The following FOXP1 variants were observed in gnomAD, a reference collection of about 807,000 sequenced individuals.
FOXP1 encodes forkhead box protein P1.
Under a neutral mutation model 98.2 loss-of-function variants are expected in FOXP1, and 15 were observed. The ratio of observed to expected loss-of-function variants is 0.15; its 90% confidence interval spans 0.10 to 0.24. The LOEUF is 0.24. FOXP1 is among the 10% of genes least tolerant of loss of function. The probability of loss-of-function intolerance (pLI) is 1.00; values close to 1 mark genes in which losing one functional copy is unlikely to be tolerated. For synonymous variants in FOXP1, 371 were observed against 314.5 expected, an observed-to-expected ratio of 1.18 and a Z score of -1.90; for missense variants, 633 against 848.5, an observed-to-expected ratio of 0.75 and a Z score of 3.15.
chr3:71,531,296 CCTGCCATTTCCACTAGCACAGGCAG>C (rs1266528608), intron 2 of FOXP1, among the ~76,000 whole-genome samples: 10 of 152,166 alleles, frequency 6.6e-5, no homozygotes, highest in African/African-American at 2.4e-4. Flanking sequence ...TCAGAAGGGG[CCTGCCATTTCCACTAGCACAGGCAG>C]CTGCCCGGCA....
chr3:71,152,341 G>A (rs1045303630), intron 6 of FOXP1, among the ~76,000 whole-genome samples: 5 of 152,192 alleles, frequency 3.3e-5, no homozygotes, highest in Non-Finnish European at 7.3e-5. Flanking sequence ...ACAGATTTGT[G>A]AGACTCTGAG....
At chr3:71,526,050 G>A (rs759305362) in intron 2 of FOXP1, among the ~76,000 whole-genome samples, 1 of 152,148 alleles carries the variant, frequency 6.6e-6, no homozygotes, top group East Asian at 1.9e-4. Flanking sequence ...GAATCCAGGA[G>A]ACAGAATTTG....
intron 4 of FOXP1, among the ~76,000 whole-genome samples, chr3:71,338,627 A>G (rs1577040259): frequency 6.6e-6 from 1 of 151,826 alleles, no homozygotes; most frequent in East Asian, 1.9e-4. Context: ...GCGGGGTTTC[A>G]CCCTATTAAG....
intron 3 of FOXP1, among the ~76,000 whole-genome samples, chr3:71,429,122 C>T (rs1375307454): frequency 1.3e-5 from 2 of 152,148 alleles, no homozygotes; most frequent in African/African-American, 2.4e-5. Context: ...ATGGGAGTTC[C>T]GGCTTCATGC....
intron 5 of FOXP1, among the ~76,000 whole-genome samples, chr3:71,286,663 A>G (rs2072177415): frequency 6.6e-6 from 1 of 152,152 alleles, no homozygotes; most frequent in African/African-American, 2.4e-5. Context: ...CAAGTTGGGG[A>G]AGTGGGAAAA....
chr3:71,104,964 T>C (rs2057300382), intron 7 of FOXP1, among the ~76,000 whole-genome samples: 1 of 152,052 alleles, frequency 6.6e-6, no homozygotes, highest in Non-Finnish European at 1.5e-5. Flanking sequence ...GTTGTAATCA[T>C]ATATGTGAGG....
At chr3:70,976,820 C>T (rs1355531458) in intron 17 of FOXP1, 121 bp downstream of exon 17, 2 of 728,802 alleles carry the variant, frequency 2.7e-6, no homozygotes, top group African/African-American at 1.7e-5. Flanking sequence ...AGAGATTGGA[C>T]ACTTTAAGAG....
At chr3:71,094,800 C>T (rs1270529808) in intron 7 of FOXP1, among the ~76,000 whole-genome samples, 1 of 152,284 alleles carries the variant, frequency 6.6e-6, no homozygotes, top group East Asian at 1.9e-4. Context: ...GAGAGCTATC[C>T]TTTATTCACC....
At chr3:71,422,128 G>A (rs538484881) in intron 3 of FOXP1, among the ~76,000 whole-genome samples, 3 of 152,240 alleles carry the variant, frequency 2.0e-5, no homozygotes, top group South Asian at 4.1e-4. Flanking sequence ...TAACTCACCC[G>A]CTAGTTTCAG....
intron 3 of FOXP1, among the ~76,000 whole-genome samples, chr3:71,455,019 C>T (rs2087331276): frequency 6.6e-6 from 1 of 152,218 alleles, no homozygotes; most frequent in South Asian, 2.1e-4. Flanking sequence ...CTTCAAAAAC[C>T]ATGTCATAGC....
At chr3:71,291,217 T>C (rs1387103104) in intron 5 of FOXP1, among the ~76,000 whole-genome samples, 1 of 152,208 alleles carries the variant, frequency 6.6e-6, no homozygotes. Context: ...CACTGTCTAA[T>C]AGAAATACAA....
chr3:71,151,781 A>C (rs1432914279), intron 6 of FOXP1, among the ~76,000 whole-genome samples: 2 of 151,148 alleles, frequency 1.3e-5, no homozygotes. Flanking sequence ...GTAGCCTGCT[A>C]CTCACAAGAC....
intron 14 of FOXP1, 97 bp downstream of exon 14, chr3:70,987,897 A>G: frequency 9.0e-7 from 1 of 1,110,842 alleles, no homozygotes; most frequent in Admixed American, 1.8e-5. Context: ...AGCTCCACCA[A>G]AGTAGGCTGG....
At chr3:71,352,593 AG>A (rs1041611017) in intron 4 of FOXP1, among the ~76,000 whole-genome samples, 54 of 152,032 alleles carry the variant, frequency 3.6e-4, no homozygotes, top group African/African-American at 1.3e-3. Context: ...ACTATTCTTC[AG>A]CTTCCTCACC....
intron 7 of FOXP1, among the ~76,000 whole-genome samples, chr3:71,100,905 T>G (rs2056897585): frequency 6.6e-6 from 1 of 152,128 alleles, no homozygotes; most frequent in African/African-American, 2.4e-5. Flanking sequence ...AGACATGGTA[T>G]GATACATAAC....
At chr3:71,179,395 A>G (rs1371301350) in intron 6 of FOXP1, among the ~76,000 whole-genome samples, 4 of 152,146 alleles carry the variant, frequency 2.6e-5, no homozygotes, top group Non-Finnish European at 4.4e-5. Context: ...GGTGTGAGCC[A>G]CTACACAAGT....
intron 11 of FOXP1, among the ~76,000 whole-genome samples, chr3:71,017,633 C>G: frequency 6.6e-6 from 1 of 151,960 alleles, no homozygotes; most frequent in African/African-American, 2.4e-5. Flanking sequence ...CTTCAAGAAC[C>G]TTATTTACTG....
intron 4 of FOXP1, among the ~76,000 whole-genome samples, chr3:71,339,657 G>C (rs1247189818): frequency 6.6e-6 from 1 of 152,178 alleles, no homozygotes; most frequent in African/African-American, 2.4e-5. Context: ...AAATTAGCAA[G>C]ATTTTCTGTT....
intron 5 of FOXP1, among the ~76,000 whole-genome samples, chr3:71,200,970 T>G (rs2063637639): frequency 6.6e-6 from 1 of 152,214 alleles, no homozygotes; most frequent in South Asian, 2.1e-4. Flanking sequence ...GACGTATATA[T>G]TTTTTAAGTT....
Sources: gnomAD v4.1 joint callset for allele counts (sites outside exome capture counted in the v4.1 genomes callset) on GRCh38, gnomAD v4.1.1 for gene constraint, MANE v1.5 for transcripts, NCBI Gene and HGNC (gene_info 2026-07-23, HGNC 2026-07-21) for gene names.